Variants in NUDT3 observed in about 807,000 individuals in gnomAD.
The protein encoded by NUDT3 is diphosphoinositol polyphosphate phosphohydrolase 1.
In NUDT3, 9 loss-of-function variants were observed where a neutral mutation model predicts 23.6. That is an observed-to-expected ratio of 0.38 (90% CI 0.23 to 0.66). The LOEUF (loss-of-function observed/expected upper bound fraction) is 0.66, where lower values mean the gene tolerates loss of function less well. Ranked by LOEUF, NUDT3 falls within the 30% of genes least tolerant of loss-of-function variation. NUDT3 has a pLI of 0.52. For missense variants in NUDT3, 172 were observed against 218.5 expected (o/e 0.79, Z 1.34); for synonymous variants, 86 against 82.6 (o/e 1.04, Z -0.22).
At chr6:34,318,731 ATTT>A (rs55946074) in intron 2 of NUDT3, among the ~76,000 whole-genome samples, 4 of 150,702 alleles carry the variant, frequency 2.7e-5, no homozygotes, top group African/African-American at 7.3e-5. Flanking sequence ...TTTAAAAAAA[ATTT>A]TTTTTTTAAC....
In NUDT3 at chr6:34,293,977, T is replaced by G. The variant is rs1332205112; in HGVS notation, c.256-442A>C. Among the ~76,000 whole-genome samples, 11 of 152,082 alleles carry G rather than the reference T, an allele frequency of 7.2e-5. No homozygotes were observed. In the East Asian group the frequency reaches 2.1e-3, roughly 29 times the overall value. On this transcript the variant is annotated intron_variant, in intron 3 of 4. Coordinates refer to ENST00000607016, the MANE Select transcript of NUDT3 (RefSeq NM_006703.4). ...CCCCTCTTCCCACCCACACCCCTTT[T>G]CCCACTAACCCCACTTACCTTATTT...
chr6:34,322,888 G>A (rs148109846), intron 2 of NUDT3, among the ~76,000 whole-genome samples: 193 of 152,322 alleles, frequency 1.3e-3, no homozygotes, highest in Middle Eastern at 3.4e-3. Context: ...TAAAGAAAGT[G>A]TACATATACA....
intron 4 of NUDT3, among the ~76,000 whole-genome samples, chr6:34,290,906 T>C (rs1007344963): frequency 1.3e-5 from 2 of 151,442 alleles, no homozygotes; most frequent in Non-Finnish European, 2.9e-5. Flanking sequence ...GCAATTCTCA[T>C]GGCTCAGCCT....
At chr6:34,301,286 C>G (rs563986982) in intron 2 of NUDT3, among the ~76,000 whole-genome samples, 2 of 152,358 alleles carry the variant, frequency 1.3e-5, no homozygotes, top group Admixed American at 1.3e-4. Context: ...TTTGGTAGAT[C>G]AACTGCAGAG....
At chr6:34,362,042 C>A (rs184433139) in intron 1 of NUDT3, among the ~76,000 whole-genome samples, 80 of 152,226 alleles carry the variant, frequency 5.3e-4, no homozygotes, top group African/African-American at 1.9e-3. Flanking sequence ...ACAAATATAC[C>A]ACTGTGTTCA....
intron 2 of NUDT3, among the ~76,000 whole-genome samples, chr6:34,296,266 C>A (rs1244526174): frequency 4.0e-5 from 6 of 151,864 alleles, no homozygotes; most frequent in African/African-American, 1.5e-4. Flanking sequence ...GAGACCATGT[C>A]TCAAAAATAA....
chr6:34,342,188 C>T (rs991309123), intron 1 of NUDT3, among the ~76,000 whole-genome samples: 6 of 151,462 alleles, frequency 4.0e-5, no homozygotes, highest in African/African-American at 1.2e-4. Flanking sequence ...ATTATCTCTA[C>T]ACTCCCCTCA....
At chr6:34,347,392 G>A (rs1764391173) in intron 1 of NUDT3, among the ~76,000 whole-genome samples, 1 of 152,178 alleles carries the variant, frequency 6.6e-6, no homozygotes, top group Non-Finnish European at 1.5e-5. Context: ...TTTAGTCATT[G>A]AGACAGGTGA....
intron 1 of NUDT3, among the ~76,000 whole-genome samples, chr6:34,351,222 A>C (rs1006345791): frequency 3.0e-5 from 4 of 135,192 alleles, no homozygotes; most frequent in South Asian, 4.7e-4. Context: ...AAAAAAAAAA[A>C]AAAACACTTT....
intron 1 of NUDT3, among the ~76,000 whole-genome samples, chr6:34,368,934 G>A (rs1002431233): frequency 7.2e-5 from 11 of 152,124 alleles, no homozygotes; most frequent in South Asian, 2.1e-4. Flanking sequence ...CACCGCGCCC[G>A]GCCCAACAGT....
intron 2 of NUDT3, among the ~76,000 whole-genome samples, chr6:34,297,557 T>G (rs1355817378): frequency 1.3e-5 from 2 of 149,102 alleles, no homozygotes; most frequent in African/African-American, 4.9e-5. Flanking sequence ...ATTGTTTTTT[T>G]TTTTTTTTTA....
At chr6:34,326,013 C>A (rs1764022329) in intron 2 of NUDT3, among the ~76,000 whole-genome samples, 1 of 151,124 alleles carries the variant, frequency 6.6e-6, no homozygotes, top group African/African-American at 2.5e-5. Flanking sequence ...AAATTATTTG[C>A]CTATTTTAGT....
rs549346723 is a variant in NUDT3 at position 34,305,114 on chromosome 6, C to T, written c.211-9429G>A. Among the ~76,000 whole-genome samples the T allele has an allele frequency of 2.0e-4, 30 of 151,096 alleles. No homozygotes were observed. In the East Asian group the frequency reaches 5.3e-3, roughly 27 times the overall value. On this transcript the variant is annotated intron_variant, in intron 2 of 4. Coordinates refer to ENST00000607016, the MANE Select transcript of NUDT3 (RefSeq NM_006703.4). ...TCTCCTGCCTCAGTCTCCCTAGTAG[C>T]TGGGACTACAGGCACGTGCCACCAT...
rs968272937 is a variant in NUDT3 at position 34,279,869 on chromosome 6, A to G, written c.*8884T>C. 5 of 152,352 alleles carry G rather than the reference A, an allele frequency of 3.3e-5. No homozygotes were observed. In the South Asian group the frequency reaches 8.3e-4, roughly 25 times the overall value. 9.4% of individuals were successfully genotyped at this position (152,352 alleles called of 1,614,324 possible). On this transcript the variant is annotated 3_prime_UTR_variant, in exon 5 of 5. Transcript: ENST00000607016. ...TGGGGGTGGTCAAGTTTTACGGGTA[A>G]TAACAACATTCTCTCTAGATGGCAG... is the stretch of plus-strand genomic sequence containing the variant.
intron 2 of NUDT3, among the ~76,000 whole-genome samples, chr6:34,315,324 C>CA (rs1227461223): frequency 6.6e-6 from 1 of 152,214 alleles, no homozygotes; most frequent in African/African-American, 2.4e-5. Flanking sequence ...TCAACTTTGC[C>CA]AAATACCACT....
rs774410111 is a variant in NUDT3 at position 34,288,940 on chromosome 6, G to A, written c.341-9C>T. On this transcript the variant is annotated splice_polypyrimidine_tract_variant and intron_variant, in intron 4 of 4. Transcript: ENST00000607016. The stretch of plus-strand genomic sequence containing the variant: ...CCATTCCCTCTTCCTTCCTGTGGAG[G>A]CAGAGAGAAAAGAAACTAGTACAAG... The A allele has an allele frequency of 6.3e-7, 1 of 1,592,044 alleles. No individual in the cohort carries two copies. Among genetic ancestry groups the A allele is most frequent in the East Asian group, 2.3e-5 (1 of 44,310 alleles).
chr6:34,383,664 A>T (rs1438727177), intron 1 of NUDT3, among the ~76,000 whole-genome samples: 2 of 152,232 alleles, frequency 1.3e-5, no homozygotes, highest in East Asian at 3.8e-4. Flanking sequence ...ATTGCTTCAG[A>T]CACAGCACAC....
chr6:34,294,457 T>C (rs1056046478), intron 3 of NUDT3, among the ~76,000 whole-genome samples: 2 of 151,856 alleles, frequency 1.3e-5, no homozygotes, highest in Admixed American at 6.6e-5. Context: ...CCAGGGGCGG[T>C]GGCTCATGCT....
intron 1 of NUDT3, 146 bp downstream of exon 1, chr6:34,392,118 T>A (rs949523406): frequency 1.7e-6 from 1 of 604,982 alleles, no homozygotes; most frequent in African/African-American, 2.0e-5. Flanking sequence ...TCCCCCTTTT[T>A]TCGCCTCAGG....
Sources: gnomAD v4.1 joint callset for allele counts (sites outside exome capture counted in the v4.1 genomes callset) on GRCh38, gnomAD v4.1.1 for gene constraint, MANE v1.5 for transcripts, NCBI Gene and HGNC (gene_info 2026-07-23, HGNC 2026-07-21) for gene names.